Variants in ZDHHC21 observed in about 807,000 individuals in gnomAD.
ZDHHC21 encodes the protein palmitoyltransferase ZDHHC21.
A neutral mutation model predicts 34.6 loss-of-function variants in ZDHHC21; 15 were observed. The observed-to-expected ratio is 0.43, with a 90% confidence interval of 0.29 to 0.67. The LOEUF (loss-of-function observed/expected upper bound fraction) is 0.67. Ranked by LOEUF, ZDHHC21 falls within the 30% of genes least tolerant of loss-of-function variation. The pLI is 0.14. For missense variants in ZDHHC21, 344 were observed against 327.7 expected (o/e 1.05, Z -0.38); for synonymous variants, 142 against 101.8 (o/e 1.40, Z -2.38).
At position 14,639,919 on chromosome 9, in the gene ZDHHC21, T is replaced by C; in HGVS notation, c.598A>G (p.Thr200Ala). The change falls in exon 8 of 10, where the codon ACT becomes GCT. Residue 200 changes from threonine (T) to alanine (A), a missense_variant. Coordinates refer to ENST00000380916, the MANE Select transcript of ZDHHC21 (RefSeq NM_178566.6). ...ACTGTGATGATGCCAATTAGTTGAG[T>C]GTAAAAGAGTCCAGTTATTCCAACT... is the stretch of plus-strand genomic sequence containing the variant. Reference protein sequence around the residue: ...MLVGITGLFYTQLIGIITDTT... With the variant: ...MLVGITGLFYAQLIGIITDTT... The C allele has an allele frequency of 1.9e-6, 3 of 1,602,744 alleles. No homozygotes were observed. The highest frequency in any genetic ancestry group is 1.7e-5 in the Admixed American group (1 of 59,366).
chr9:14,641,742 C>A (rs1406764046), intron 7 of ZDHHC21, among the ~76,000 whole-genome samples: 1 of 152,178 alleles, frequency 6.6e-6, no homozygotes, highest in Non-Finnish European at 1.5e-5. Context: ...ATGCTCACTT[C>A]CATAAGAAAA....
At chr9:14,599,048 C>A in the ZDHHC21 span, among the ~76,000 whole-genome samples, 1 of 152,118 alleles carries the variant, frequency 6.6e-6, no homozygotes, top group Non-Finnish European at 1.5e-5. Flanking sequence ...CAGATGTGAG[C>A]CACCTCACCC....
intron 7 of ZDHHC21, among the ~76,000 whole-genome samples, chr9:14,656,618 T>C (rs762042611): frequency 3.3e-5 from 5 of 151,896 alleles, no homozygotes; most frequent in Non-Finnish European, 7.4e-5. Flanking sequence ...CACCGCTTGA[T>C]ACAACAAGGA....
rs1183729483 is a variant in ZDHHC21 at position 14,613,785 on chromosome 9, G to T, written c.*5181C>A. The T allele has an allele frequency of 6.6e-6, 1 of 151,664 alleles. No homozygotes were observed. The highest frequency in any genetic ancestry group is 1.9e-4 in the East Asian group (1 of 5,180). The allele number at this position is 151,664 out of a possible 1,614,324, so 9.4% of individuals were successfully genotyped here. ...GGTGACAAAATTTTCTATACACTCA[G>T]TATCTTTTCTTTGCAATAAGAGATT... is the stretch of plus-strand genomic sequence containing the variant. On this transcript the variant is annotated 3_prime_UTR_variant, in exon 10 of 10. Coordinates refer to ENST00000380916, the MANE Select transcript of ZDHHC21 (RefSeq NM_178566.6).
chr9:14,672,783 A>G, intron 5 of ZDHHC21, 47 bp downstream of exon 5: 1 of 1,261,654 alleles, frequency 7.9e-7, no homozygotes, highest in Non-Finnish European at 1.1e-6. Flanking sequence ...GTAAATAAAG[A>G]CAGTAATTCT....
intron 7 of ZDHHC21, among the ~76,000 whole-genome samples, chr9:14,653,055 A>T (rs936652645): frequency 6.6e-6 from 1 of 151,956 alleles, no homozygotes; most frequent in Non-Finnish European, 1.5e-5. Context: ...TAACTGCATC[A>T]TTACTCCCAC....
chr9:14,661,500 G>C (rs944636138), intron 6 of ZDHHC21, among the ~76,000 whole-genome samples: 6 of 152,162 alleles, frequency 3.9e-5, no homozygotes, highest in Non-Finnish European at 8.8e-5. Flanking sequence ...TTTATACAGA[G>C]AGCCAATGCT....
rs139052749 is a variant in ZDHHC21, at chr9:14,674,294, C to T, written c.47G>A (p.Cys16Tyr). 19 of 1,596,614 alleles carry T rather than the reference C, an allele frequency of 1.2e-5. No individual in the cohort carries two copies. Among genetic ancestry groups the T allele is most frequent in the Non-Finnish European group, 1.6e-5 (19 of 1,173,664 alleles). Reference protein sequence around the residue: ...HFVVDPHGWCCMGLIVFVWLY... With the variant: ...HFVVDPHGWCYMGLIVFVWLY... ...CCAAACAAAGACAATCAAACCCATG[C>T]AGCACCAACCATGTGGGTCAACAAC... is the stretch of plus-strand genomic sequence containing the variant. Residue 16 changes from cysteine to tyrosine, a missense_variant, in exon 4 of 10, where the codon TGC (cysteine) becomes TAC (tyrosine). Transcript: ENST00000380916.
At chr9:14,607,098 A>AAT (rs1175190607), downstream of ZDHHC21, among the ~76,000 whole-genome samples, 1 of 151,640 alleles carries the variant, frequency 6.6e-6, no homozygotes, top group African/African-American at 2.4e-5. Context: ...AAAAAAAAAA[A>AAT]AATCTACATG....
At chr9:14,645,623 T>C (rs1281288603) in intron 7 of ZDHHC21, among the ~76,000 whole-genome samples, 1 of 152,044 alleles carries the variant, frequency 6.6e-6, no homozygotes, top group Non-Finnish European at 1.5e-5. Context: ...TTAAAACCTC[T>C]GTTTACCAAA....
chr9:14,646,217 A>G (rs984323714), intron 7 of ZDHHC21, among the ~76,000 whole-genome samples: 1 of 152,168 alleles, frequency 6.6e-6, no homozygotes, highest in Non-Finnish European at 1.5e-5. Flanking sequence ...CACAACAATG[A>G]AAATAAACTG....
At chr9:14,651,178 C>T (rs72704949) in intron 7 of ZDHHC21, among the ~76,000 whole-genome samples, 141 of 151,882 alleles carry the variant, frequency 9.3e-4, no homozygotes, top group Middle Eastern at 3.4e-3. Flanking sequence ...TAACCCACTG[C>T]GATGCCTTTA....
At chr9:14,665,153 A>C (rs1217798636) in intron 5 of ZDHHC21, among the ~76,000 whole-genome samples, 1 of 138,676 alleles carries the variant, frequency 7.2e-6, no homozygotes, top group African/African-American at 2.8e-5. Flanking sequence ...AAATGCTTAA[A>C]GGAGCTGATG....
intron 8 of ZDHHC21, among the ~76,000 whole-genome samples, chr9:14,638,185 C>A (rs904974009): frequency 1.2e-4 from 18 of 151,916 alleles, no homozygotes; most frequent in Non-Finnish European, 1.6e-4. Flanking sequence ...CACATAGACA[C>A]ACAGACCAAG....
At chr9:14,592,750 ATACATCATATGC>A in the ZDHHC21 span, among the ~76,000 whole-genome samples, 1 of 152,200 alleles carries the variant, frequency 6.6e-6, no homozygotes, top group Non-Finnish European at 1.5e-5. Context: ...ATTGTTCAAG[ATACATCATATGC>A]TAATCCATAA....
At chr9:14,620,950 G>C (rs1371921814) in intron 8 of ZDHHC21, among the ~76,000 whole-genome samples, 2 of 151,912 alleles carry the variant, frequency 1.3e-5, no homozygotes, top group African/African-American at 4.8e-5. Context: ...ACCTTTCTCT[G>C]CTCCGTTGCA....
intron 7 of ZDHHC21, among the ~76,000 whole-genome samples, chr9:14,654,417 A>G (rs1440171110): frequency 6.6e-6 from 1 of 152,080 alleles, no homozygotes; most frequent in Non-Finnish European, 1.5e-5. Context: ...GAGTAAATCA[A>G]ATCTGAGGAA....
chr9:14,684,407 AACAG>A (rs1837939991), intron 2 of ZDHHC21, among the ~76,000 whole-genome samples: 1 of 148,278 alleles, frequency 6.7e-6, no homozygotes, highest in Admixed American at 6.8e-5. Context: ...ATACACCAAC[AACAG>A]ACAAACAGAG....
chr9:14,679,317 G>A (rs1026421527), intron 3 of ZDHHC21, among the ~76,000 whole-genome samples: 1 of 152,038 alleles, frequency 6.6e-6, no homozygotes, highest in South Asian at 2.1e-4. Flanking sequence ...TAAAATGTTA[G>A]GTAAGAATCT....
Sources: gnomAD v4.1 joint callset for allele counts (sites outside exome capture counted in the v4.1 genomes callset) on GRCh38, gnomAD v4.1.1 for gene constraint, MANE v1.5 for transcripts, NCBI Gene and HGNC (gene_info 2026-07-23, HGNC 2026-07-21) for gene names.